Variants in RRBP1 observed in about 807,000 individuals in gnomAD.
RRBP1 encodes the protein ribosome-binding protein 1.
Under a neutral mutation model 165.2 loss-of-function variants are expected in RRBP1, and 94 were observed. The observed-to-expected ratio is 0.57, with a 90% CI of 0.48 to 0.68. The LOEUF (loss-of-function observed/expected upper bound fraction) is 0.68. RRBP1 is among the 30% of genes least tolerant of loss of function. RRBP1 has a pLI of 0.00. For missense variants in RRBP1, 1,676 were observed against 1,763.0 expected, an observed-to-expected ratio of 0.95 and a Z score of 0.88; for synonymous variants, 680 against 714.5, an observed-to-expected ratio of 0.95 and a Z score of 0.77.
intron 7 of RRBP1, among the ~76,000 whole-genome samples, chr20:17,634,198 G>A (rs929833113): frequency 6.6e-6 from 1 of 152,248 alleles, no homozygotes; most frequent in Non-Finnish European, 1.5e-5. Context: ...AGCGTAAGGC[G>A]TGTGATCAGG....
chr20:17,668,498 G>A (rs2036912469), intron 2 of RRBP1, among the ~76,000 whole-genome samples: 1 of 152,108 alleles, frequency 6.6e-6, no homozygotes, highest in Non-Finnish European at 1.5e-5. Context: ...CTTCAACTAG[G>A]GCCTCAGGGA....
chr20:17,635,075 C>T (rs2036223148), intron 7 of RRBP1, among the ~76,000 whole-genome samples: 1 of 152,132 alleles, frequency 6.6e-6, no homozygotes, highest in African/African-American at 2.4e-5. Flanking sequence ...ACTAAAGACA[C>T]TGCAGTGGGT....
At chr20:17,624,753 A>G in intron 12 of RRBP1, 85 bp from the exon 13 acceptor site, 1 of 989,754 alleles carries the variant, frequency 1.0e-6, no homozygotes. Flanking sequence ...CAGGGCCCAG[A>G]GACCCTCCTT....
chr20:17,654,573 GCCT>G (rs1266891220), intron 3 of RRBP1, among the ~76,000 whole-genome samples: 1 of 152,174 alleles, frequency 6.6e-6, no homozygotes, highest in African/African-American at 2.4e-5. Context: ...GTTCATAAAT[GCCT>G]CCTTTCATCT....
At chr20:17,621,653 G>C in intron 15 of RRBP1, 37 bp downstream of exon 15, 3 of 1,604,872 alleles carry the variant, frequency 1.9e-6, no homozygotes, top group Middle Eastern at 1.7e-4. Context: ...GGACAGGGGA[G>C]CCCAACAGAG....
chr20:17,672,326 A>G (rs1436303837), intron 2 of RRBP1, among the ~76,000 whole-genome samples: 1 of 152,192 alleles, frequency 6.6e-6, no homozygotes, highest in Non-Finnish European at 1.5e-5. Context: ...ACTCAGGTTT[A>G]TATTAGGAAA....
At chr20:17,672,851 C>T (rs993203579) in intron 2 of RRBP1, among the ~76,000 whole-genome samples, 4 of 152,176 alleles carry the variant, frequency 2.6e-5, no homozygotes, top group African/African-American at 7.2e-5. Flanking sequence ...AAGTCTTACA[C>T]GTAACGTTGA....
At chr20:17,620,256 G>T in intron 18 of RRBP1, 43 bp downstream of exon 18, 1 of 1,470,078 alleles carries the variant, frequency 6.8e-7, no homozygotes, top group Non-Finnish European at 9.5e-7. Flanking sequence ...TTTCAAAGAG[G>T]CTCCCGGGAC....
intron 15 of RRBP1, 54 bp from the exon 16 acceptor site, chr20:17,621,601 T>C: frequency 1.3e-6 from 2 of 1,591,054 alleles, no homozygotes; most frequent in Non-Finnish European, 1.7e-6. Flanking sequence ...GTTCTTCTCT[T>C]GGCTTCCCGT....
In RRBP1 at chr20:17,621,551, A is replaced by G. The variant is rs73898358; in HGVS notation, c.3325-4T>C. On this transcript the variant is annotated splice_region_variant and splice_polypyrimidine_tract_variant and intron_variant, in intron 15 of 24. Coordinates refer to ENST00000377813, the MANE Select transcript of RRBP1 (RefSeq NM_001365613.2). ...CCCTCAACTTGGAGGCCAGGTCCTG[A>G]GAGAGGGAAGAACAGGTGTTTAGTT... 60,972 of 1,601,638 alleles carry G rather than the reference A, an allele frequency of 0.038. 1,928 individuals are homozygous for G. The highest frequency in any genetic ancestry group is 0.17 in the African/African-American group (12,785 of 74,844).
At position 17,659,372 on chromosome 20, in the gene RRBP1, C is replaced by T; in HGVS notation, c.1136G>A (p.Gly379Asp). ...GKKAEGAQNQ[G>D]KKAEGAQNQG... ...GTTCTGAGCCCCCTCGGCCTTTTTG[C>T]CCTGGTTCTGAGCCCCCTCAGCCTT... Residue 379 changes from glycine to aspartate, a missense_variant, in exon 3 of 25, where the codon GGC becomes GAC. Transcript: ENST00000377813. 6.5e-7 allele frequency: 1 copy of T among 1,535,910 alleles called. No individual in the cohort carries two copies. The highest frequency in any genetic ancestry group is 2.0e-5 in the Admixed American group (1 of 49,928).
At chr20:17,640,065 C>T (rs1248944965) in intron 5 of RRBP1, among the ~76,000 whole-genome samples, 1 of 152,214 alleles carries the variant, frequency 6.6e-6, no homozygotes, top group Non-Finnish European at 1.5e-5. Flanking sequence ...GGCTTCCCCT[C>T]AGCTGCGAGG....
At chr20:17,635,693 G>C (rs768158005) in intron 6 of RRBP1, 29 bp from the exon 7 acceptor site, 1 of 1,562,526 alleles carries the variant, frequency 6.4e-7, no homozygotes, top group South Asian at 1.1e-5. Flanking sequence ...GGGCATCAGA[G>C]GCAGCTCGGC....
rs2035740509 is a variant in RRBP1, at chr20:17,613,942, G to C, written c.*240C>G. On this transcript the variant is annotated 3_prime_UTR_variant, in exon 25 of 25. Coordinates refer to ENST00000377813, the MANE Select transcript of RRBP1 (RefSeq NM_001365613.2). ...TCAACCAGGGCTTTGGCGTCACTCG[G>C]CGGTGGCCCGGGGCTGCGCCCAGGA... 1.2e-5 allele frequency: 6 copies of C among 508,816 alleles called. No individual in the cohort carries two copies. In the South Asian group the frequency reaches 1.7e-4, roughly 14 times the overall value. 31.5% of individuals were successfully genotyped at this position (508,816 alleles called of 1,614,324 possible).
intron 4 of RRBP1, 113 bp from the exon 5 acceptor site, chr20:17,642,032 G>A (rs770683069): frequency 1.6e-5 from 19 of 1,184,510 alleles, no homozygotes; most frequent in Admixed American, 4.5e-5. Flanking sequence ...CAGGGGCTTC[G>A]AGTCAAGGGT....
chr20:17,619,027 A>C, intron 19 of RRBP1: 1 of 265,592 alleles, frequency 3.8e-6, no homozygotes, highest in East Asian at 8.9e-5. Flanking sequence ...GGCTCAGGCA[A>C]TCCTCCTGCA....
At chr20:17,675,495 A>G (rs770402526) in intron 2 of RRBP1, among the ~76,000 whole-genome samples, 9 of 139,432 alleles carry the variant, frequency 6.5e-5, no homozygotes, top group Non-Finnish European at 1.2e-4. Flanking sequence ...TCAGTCAAAT[A>G]CGGGACATGT....
rs756414565 is a variant in RRBP1 at position 17,616,796 on chromosome 20, C to T, written c.3803G>A (p.Gly1268Asp). The T allele has an allele frequency of 2.5e-6, 4 of 1,613,194 alleles. No homozygotes were observed. Among genetic ancestry groups the T allele is most frequent in the Non-Finnish European group, 2.5e-6 (3 of 1,179,688 alleles). ...LSEMKSHVED[G>D]DIAGAPASSP... ...GGAAGCTGGGGCCCCAGCTATGTCA[C>T]CATCCTCTACGTGGCTCTTCATTTC... Residue 1268 changes from glycine to aspartate, a missense_variant, in exon 21 of 25, where the codon GGT becomes GAT. This residue lies in a region of RRBP1 where 1,184 missense variants were observed against 1,167.1 expected (regional missense o/e 1.01). Transcript: ENST00000377813.
At chr20:17,639,164 A>C (rs2036301132) in intron 5 of RRBP1, among the ~76,000 whole-genome samples, 1 of 152,196 alleles carries the variant, frequency 6.6e-6, no homozygotes, top group Non-Finnish European at 1.5e-5. Context: ...ACATCACTGG[A>C]GCTCTGCCTG....
Sources: allele counts gnomAD v4.1 joint callset (sites outside exome capture counted in the v4.1 genomes callset), GRCh38; gene constraint gnomAD v4.1.1; regional missense constraint gnomAD v4.1.1; transcripts MANE v1.5; gene names NCBI Gene and HGNC (gene_info 2026-07-23, HGNC 2026-07-21).